HDAC9: variants seen among roughly 807,000 people sequenced by gnomAD.
The protein encoded by HDAC9 is histone deacetylase 9, also known as MEF-2 interacting transcription repressor (MITR) protein.
HDAC9 carries 41 observed loss-of-function variants against 139.4 expected under a neutral mutation model. That is an observed-to-expected ratio of 0.29 (90% CI 0.23 to 0.38). HDAC9 has a LOEUF of 0.38. Ranked by LOEUF, HDAC9 falls within the 10% of genes least tolerant of loss-of-function variation. The probability of loss-of-function intolerance (pLI) is 1.00; values close to 1 mark genes in which losing one functional copy is unlikely to be tolerated. For synonymous variants in HDAC9, 517 were observed against 476.2 expected (o/e 1.09, Z -1.12); for missense variants, 1,147 against 1,297.0 (o/e 0.88, Z 1.78).
intron 1 of HDAC9, among the ~76,000 whole-genome samples, chr7:18,444,540 A>G (rs1224397809): frequency 6.6e-6 from 1 of 152,022 alleles, no homozygotes; most frequent in Non-Finnish European, 1.5e-5. Context: ...TTAAATGGCT[A>G]TTTCCAAATA....
At chr7:18,544,168 T>A (rs1813954333) in intron 2 of HDAC9, among the ~76,000 whole-genome samples, 1 of 152,242 alleles carries the variant, frequency 6.6e-6, no homozygotes, top group African/African-American at 2.4e-5. Flanking sequence ...TAATTGATGT[T>A]GCTGGCTTGG....
intron 1 of HDAC9, among the ~76,000 whole-genome samples, chr7:18,108,611 C>CTTTTT (rs10708554): frequency 2.4e-5 from 2 of 82,980 alleles, no homozygotes; most frequent in African/African-American, 7.6e-5. Flanking sequence ...CACTCATCTC[C>CTTTTT]TTTTTTTTTT....
chr7:18,625,901 C>T (rs940515596), intron 6 of HDAC9, among the ~76,000 whole-genome samples: 6 of 128,580 alleles, frequency 4.7e-5, no homozygotes, highest in African/African-American at 1.9e-4. Flanking sequence ...GAGCCAAGAT[C>T]GTACCACTAC....
chr7:18,686,817 A>G (rs1782309893), intron 12 of HDAC9, among the ~76,000 whole-genome samples: 1 of 151,892 alleles, frequency 6.6e-6, no homozygotes, highest in Non-Finnish European at 1.5e-5. Flanking sequence ...TCACCTTCAT[A>G]TGTAAAAATC....
chr7:18,647,694 C>G, intron 9 of HDAC9, 91 bp from the exon 10 acceptor site: 7 of 1,101,166 alleles, frequency 6.4e-6, no homozygotes, highest in Non-Finnish European at 7.7e-6. Context: ...TTTTGGGAAG[C>G]TACAGCATAG....
rs757891615 is a variant in HDAC9 at position 18,732,846 on chromosome 7, CGTGTGTAT to C, written c.1909+5095_1909+5102del. ...GTATGTGTGCGTATGTGTACACACA[CGTGTGTAT>C]GTGTGCGTATGTGTACACACACACG... On this transcript the variant is annotated intron_variant, in intron 13 of 25. Coordinates refer to ENST00000686413, the MANE Select transcript of HDAC9 (RefSeq NM_178425.4). Among the ~76,000 whole-genome samples the C allele has an allele frequency of 2.9e-4, 19 of 65,084 alleles. 1 individual carries two copies. The highest frequency in any genetic ancestry group is 4.9e-4 in the Non-Finnish European group (16 of 32,782). 42.7% of individuals were successfully genotyped at this position (65,084 alleles called of 152,430 possible).
intron 1 of HDAC9, among the ~76,000 whole-genome samples, chr7:18,370,632 T>C (rs1048936970): frequency 6.6e-6 from 1 of 152,226 alleles, no homozygotes; most frequent in Non-Finnish European, 1.5e-5. Context: ...GTAAGGAGCA[T>C]ATTCCACAAT....
At chr7:18,532,299 A>G (rs1216792782) in intron 2 of HDAC9, among the ~76,000 whole-genome samples, 1 of 152,042 alleles carries the variant, frequency 6.6e-6, no homozygotes, top group Non-Finnish European at 1.5e-5. Flanking sequence ...AAGAATTAAA[A>G]TACTTCCATA....
chr7:18,948,663 C>G (rs1048043673), intron 23 of HDAC9, among the ~76,000 whole-genome samples: 1 of 152,092 alleles, frequency 6.6e-6, no homozygotes, highest in African/African-American at 2.4e-5. Flanking sequence ...CACTACTATA[C>G]TATATCCTAT....
At position 18,655,023 on chromosome 7, in the gene HDAC9, G is replaced by A. The variant is rs116120260; in HGVS notation, c.1467+6340G>A. Among the ~76,000 whole-genome samples, 288 of 152,216 alleles carry A rather than the reference G, an allele frequency of 1.9e-3. 1 individual carries two copies. Among genetic ancestry groups the A allele is most frequent in the Middle Eastern group, 6.8e-3 (2 of 294 alleles). ...TTAGATTGGACAAACATCTTCTCAC[G>A]GAAGTTCTGGGCAAGCCTGAAGCTG... On this transcript the variant is annotated intron_variant, in intron 11 of 25. Transcript: ENST00000686413.
chr7:18,494,442 C>CT (rs1440790491), upstream of HDAC9, among the ~76,000 whole-genome samples: 2 of 151,994 alleles, frequency 1.3e-5, no homozygotes, highest in African/African-American at 4.8e-5. Flanking sequence ...TCTCTTTCCC[C>CT]TGTTGCTTCT....
intron 12 of HDAC9, among the ~76,000 whole-genome samples, chr7:18,718,526 C>T (rs899786679): frequency 2.0e-5 from 3 of 152,188 alleles, no homozygotes; most frequent in Non-Finnish European, 2.9e-5. Context: ...AGCCACCGTG[C>T]CTGGCAGGTG....
chr7:18,873,120 G>A (rs1799057865), intron 21 of HDAC9, among the ~76,000 whole-genome samples: 1 of 152,106 alleles, frequency 6.6e-6, no homozygotes, highest in Non-Finnish European at 1.5e-5. Context: ...CAACCATAAT[G>A]TAAGGTTTGT....
At position 18,799,762 on chromosome 7, in the gene HDAC9, T is replaced by G. The variant is rs539949443; in HGVS notation, c.2322+6310T>G. Among the ~76,000 whole-genome samples the G allele has an allele frequency of 3.3e-5, 5 of 152,112 alleles. No homozygotes were observed. The East Asian group carries it at 9.7e-4, about 29-fold the overall frequency. ...GAGAATGAAGAAAAATGAACAGAGTTTCAAAGGTCTGTAGGACATGATCAA... is the reference window on the plus strand; with the variant it reads ...GAGAATGAAGAAAAATGAACAGAGTGTCAAAGGTCTGTAGGACATGATCAA... On this transcript the variant is annotated intron_variant, in intron 17 of 25. Coordinates refer to ENST00000686413, the MANE Select transcript of HDAC9 (RefSeq NM_178425.4).
chr7:18,583,192 T>C (rs924605797), intron 2 of HDAC9, among the ~76,000 whole-genome samples: 1 of 152,124 alleles, frequency 6.6e-6, no homozygotes, highest in African/African-American at 2.4e-5. Context: ...AAATTTCCAT[T>C]TCATATAATA....
chr7:18,753,242 G>A (rs1021525841), intron 14 of HDAC9, among the ~76,000 whole-genome samples: 1 of 152,014 alleles, frequency 6.6e-6, no homozygotes, highest in Non-Finnish European at 1.5e-5. Context: ...ATTTTATATT[G>A]CTGTGATTTT....
chr7:18,482,380 CAAAAAAAAAAAAAAAAAAAAAAAA>C lies in HDAC9; in HGVS notation c.-41-13868_-41-13845del, dbSNP rs566243064. On this transcript the variant is annotated intron_variant, in intron 1 of 3. Coordinates refer to the HDAC9 transcript ENST00000413509. ...GCAACATAGTAAGACCTGGACTCAC[CAAAAAAAAAAAAAAAAAAAAAAAA>C]AAAAAAAAAAAAATTCTCCTTGGCT... Among the ~76,000 whole-genome samples the C allele has an allele frequency of 4.9e-3, 160 of 32,336 alleles. 5 individuals carry two copies. The highest frequency in any genetic ancestry group is 0.026 in the African/African-American group (156 of 5,932). 21.2% of individuals were successfully genotyped at this position (32,336 alleles called of 152,430 possible).
At chr7:18,656,674 CA>C (rs1791301147) in intron 11 of HDAC9, among the ~76,000 whole-genome samples, 1 of 152,106 alleles carries the variant, frequency 6.6e-6, no homozygotes, top group South Asian at 2.1e-4. Context: ...ACATGATAAG[CA>C]CCACTAAAAT....
intron 1 of HDAC9, among the ~76,000 whole-genome samples, chr7:18,441,565 T>C (rs1366233079): frequency 2.0e-5 from 3 of 152,258 alleles, no homozygotes; most frequent in African/African-American, 7.2e-5. Context: ...TTTTCACACA[T>C]GCATAATATA....
Sources: gnomAD v4.1 joint callset for allele counts (sites outside exome capture counted in the v4.1 genomes callset) on GRCh38, gnomAD v4.1.1 for gene constraint, MANE v1.5 for transcripts, NCBI Gene and HGNC (gene_info 2026-07-23, HGNC 2026-07-21) for gene names.